URB1: variants seen among roughly 807,000 people sequenced by gnomAD.
URB1 encodes URB1 ribosome biogenesis factor, also known as nucleolar pre-ribosomal-associated protein 1.
In URB1, 197 loss-of-function variants were observed where a neutral mutation model predicts 242.3. The ratio of observed to expected loss-of-function variants is 0.81; its 90% CI spans 0.72 to 0.91. The LOEUF (loss-of-function observed/expected upper bound fraction) is 0.91. URB1 is among the 40% of genes least tolerant of loss of function. The probability of loss-of-function intolerance (pLI) is 0.00; values close to 1 mark genes in which losing one functional copy is unlikely to be tolerated. For synonymous variants in URB1, 1,153 were observed against 1,201.8 expected, an observed-to-expected ratio of 0.96 and a Z score of 0.84; for missense variants, 2,721 against 2,860.5, an observed-to-expected ratio of 0.95 and a Z score of 1.11.
At chr21:32,357,078 A>T (rs757577472) in intron 15 of URB1, among the ~76,000 whole-genome samples, 42 of 152,224 alleles carry the variant, frequency 2.8e-4, no homozygotes, top group Non-Finnish European at 4.3e-4. Context: ...CTATCATAAG[A>T]CCTGACATAG....
Position 32,361,896 on chromosome 21 carries a change from C to A in URB1, c.1635G>T (p.Gln545His). ...CCCTCACCCCTGAGACCTTACCGCA[C>A]TGGTGAGCATCGCAGGCAGCCGGGG... ...DGPPAACDAH[Q>H]CDDAETILLK... The change falls in exon 12 of 39, where the codon CAG becomes CAT. Residue 545 changes from glutamine to histidine, a missense_variant. Physicochemically the swap from Gln to His is conservative, Grantham distance 24 (BLOSUM62 0). Transcript: ENST00000382751. 1 of 1,551,084 alleles carries A rather than the reference C, an allele frequency of 6.4e-7. No individual in the cohort carries two copies.
chr21:32,326,778 A>T (rs1007199330), intron 30 of URB1, among the ~76,000 whole-genome samples: 2 of 152,174 alleles, frequency 1.3e-5, no homozygotes, highest in African/African-American at 4.8e-5. Context: ...CATGCTTCCT[A>T]CACAGACTAT....
chr21:32,361,337 A>G (rs933441918), intron 12 of URB1, among the ~76,000 whole-genome samples: 2 of 80,438 alleles, frequency 2.5e-5, no homozygotes, highest in Non-Finnish European at 6.6e-5. Context: ...AGATCTAATG[A>G]GTCAATGTGG....
intron 13 of URB1, 50 bp downstream of exon 13, chr21:32,360,957 G>A: frequency 7.3e-7 from 1 of 1,378,016 alleles, no homozygotes; most frequent in South Asian, 1.3e-5. Flanking sequence ...CTCTGCTCTG[G>A]TTTATTGGCA....
chr21:32,346,240 C>T (rs1022622797), intron 22 of URB1, among the ~76,000 whole-genome samples: 7 of 152,202 alleles, frequency 4.6e-5, no homozygotes, highest in African/African-American at 1.7e-4. Context: ...AAGAAGCAGA[C>T]GCTAGCTCCT....
intron 11 of URB1, among the ~76,000 whole-genome samples, chr21:32,362,725 T>C (rs189409403): frequency 1.3e-5 from 2 of 152,234 alleles, no homozygotes; most frequent in South Asian, 2.1e-4. Flanking sequence ...TCTTCAGCCA[T>C]AGGAAGCAAG....
At chr21:32,364,887 A>G (rs1390173359) in intron 10 of URB1, among the ~76,000 whole-genome samples, 1 of 152,244 alleles carries the variant, frequency 6.6e-6, no homozygotes, top group African/African-American at 2.4e-5. Context: ...GCTCTCGGAA[A>G]GGGCACCTGT....
intron 20 of URB1, among the ~76,000 whole-genome samples, chr21:32,349,706 A>G (rs1371684774): frequency 6.6e-6 from 1 of 152,230 alleles, no homozygotes; most frequent in African/African-American, 2.4e-5. Context: ...TTTTGACTAA[A>G]CTGAAAGGGA....
chr21:32,346,823 G>T, intron 22 of URB1, 133 bp downstream of exon 22: 5 of 1,269,160 alleles, frequency 3.9e-6, no homozygotes, highest in African/African-American at 1.5e-5. Flanking sequence ...CATCTTCAGA[G>T]TTGTGTCAGA....
chr21:32,379,777 G>A (rs2033501663), intron 4 of URB1, among the ~76,000 whole-genome samples: 1 of 152,138 alleles, frequency 6.6e-6, no homozygotes, highest in Non-Finnish European at 1.5e-5. Context: ...ATCACTTGAG[G>A]TTAGGAGTTC....
chr21:32,338,163 C>T (rs979379885), intron 26 of URB1, among the ~76,000 whole-genome samples: 12 of 152,160 alleles, frequency 7.9e-5, no homozygotes, highest in Admixed American at 6.5e-5. Context: ...CAGAGCGTGG[C>T]GTCAGGAGGG....
Position 32,333,312 on chromosome 21 carries a change from G to C in URB1, c.4960+5C>G. 6.4e-7 allele frequency: 1 copy of C among 1,551,874 alleles called. No individual in the cohort carries two copies. On this transcript the variant is annotated splice_donor_5th_base_variant and intron_variant, in intron 30 of 38. Coordinates refer to ENST00000382751, the MANE Select transcript of URB1 (RefSeq NM_014825.3). The stretch of plus-strand genomic sequence containing the variant: ...AGCCCTGACCCAAGAGAAGACTGCA[G>C]TTACCTGGCCTGGTCAGCTCACTGA...
At position 32,383,470 on chromosome 21, in the gene URB1, A is replaced by G. The variant is rs1046874356; in HGVS notation, c.519T>C (p.Asp173=). The change falls in exon 4 of 39, where the codon GAT becomes GAC. Residue 173 remains aspartate (D), a synonymous_variant. Coordinates refer to ENST00000382751, the MANE Select transcript of URB1 (RefSeq NM_014825.3). ...GGGTGTACAGGGTCTTTTTATTCAAATCAAAATGGCTGCAGACGTCCCTGG... is the reference window on the plus strand; with the variant it reads ...GGGTGTACAGGGTCTTTTTATTCAAGTCAAAATGGCTGCAGACGTCCCTGG... ...EAARDVCSHF[D]LNKKTLYTLV... The G allele has an allele frequency of 1.3e-6, 2 of 1,551,570 alleles. No homozygotes were observed. Among genetic ancestry groups the G allele is most frequent in the Non-Finnish European group, 1.7e-6 (2 of 1,146,920 alleles).
Position 32,347,013 on chromosome 21 carries a change from G to C in URB1, c.3811C>G (p.Leu1271Val), listed in dbSNP as rs1426230825. 3 of 1,547,002 alleles carry C rather than the reference G, an allele frequency of 1.9e-6. No individual in the cohort carries two copies. Among genetic ancestry groups the C allele is most frequent in the Non-Finnish European group, 2.6e-6 (3 of 1,143,770 alleles). The change falls in exon 22 of 39, where the codon CTC becomes GTC. Residue 1271 changes from leucine to valine, a missense_variant. Coordinates refer to ENST00000382751, the MANE Select transcript of URB1 (RefSeq NM_014825.3). ...LQGDLDDFLP[L>V]IHVYLQCRTR... ...CTGCACTGGAGGTACACATGGATGA[G>C]GGGAAGGAAGTCGTCCAGGTCCCCC...
rs2033149504 is a variant in URB1, at chr21:32,350,880, A to G, written c.2656T>C (p.Leu886=). The G allele has an allele frequency of 6.5e-7, 1 of 1,549,918 alleles. No homozygotes were observed. The highest frequency in any genetic ancestry group is 1.4e-5 in the African/African-American group (1 of 73,016). The change falls in exon 20 of 39, where the codon TTG becomes CTG. Residue 886 remains leucine (L), a synonymous_variant. Coordinates refer to ENST00000382751, the MANE Select transcript of URB1 (RefSeq NM_014825.3). Reference sequence around the variant, plus strand: ...AGCAGGGCTGTGAAGGACGAGGCCAAGGGAAGGGCAGGGGGCGAGGGGCTG... The same window carrying G: ...AGCAGGGCTGTGAAGGACGAGGCCAGGGGAAGGGCAGGGGGCGAGGGGCTG... ...QGSPSPPALP[L]ASSFTALLQA...
intron 31 of URB1, among the ~76,000 whole-genome samples, chr21:32,324,832 C>G (rs1024826625): frequency 2.6e-5 from 4 of 152,184 alleles, no homozygotes; most frequent in African/African-American, 7.2e-5. Flanking sequence ...AGAGAGAAGT[C>G]TGGCACCATG....
At chr21:32,377,343 GA>G (rs768660078) in intron 5 of URB1, 1 of 507,294 alleles carries the variant, frequency 2.0e-6, no homozygotes, top group South Asian at 1.5e-5. Context: ...TAAAAGTTTT[GA>G]TGTGTACAGC....
intron 14 of URB1, among the ~76,000 whole-genome samples, chr21:32,358,670 G>A (rs1568823920): frequency 1.3e-5 from 2 of 152,152 alleles, no homozygotes; most frequent in East Asian, 1.9e-4. Context: ...TTCAAATTAT[G>A]AGGCCTCTGT....
chr21:32,390,807 G>A (rs953725602), intron 1 of URB1, among the ~76,000 whole-genome samples: 12 of 152,258 alleles, frequency 7.9e-5, no homozygotes, highest in Admixed American at 2.0e-4. Flanking sequence ...AAGTCAGTGT[G>A]GCGATTCCTC....
Sources: gnomAD v4.1 joint callset for allele counts (sites outside exome capture counted in the v4.1 genomes callset) on GRCh38, gnomAD v4.1.1 for gene constraint, MANE v1.5 for transcripts, NCBI Gene and HGNC (gene_info 2026-07-23, HGNC 2026-07-21) for gene names.